The following PRDM5 variants were observed in gnomAD, a reference collection of about 807,000 sequenced individuals.
The protein encoded by PRDM5 is PR domain zinc finger protein 5.
A neutral mutation model predicts 81.2 loss-of-function variants in PRDM5; 56 were observed. The ratio of observed to expected loss-of-function variants is 0.69; its 90% confidence interval spans 0.56 to 0.86. The LOEUF (loss-of-function observed/expected upper bound fraction) is 0.86. Ranked by LOEUF, PRDM5 falls within the 40% of genes least tolerant of loss-of-function variation. The pLI, the probability that PRDM5 is intolerant of heterozygous loss-of-function variation, is 0.00. For missense variants in PRDM5, 697 were observed against 770.1 expected (o/e 0.91, Z 1.12); for synonymous variants, 267 against 256.4 (o/e 1.04, Z -0.39).
intron 2 of PRDM5, among the ~76,000 whole-genome samples, chr4:120,880,265 T>C (rs1762718053): frequency 6.6e-6 from 1 of 152,070 alleles, no homozygotes; most frequent in South Asian, 2.1e-4. Context: ...GTAAAGAATA[T>C]ATAAACTAAA....
intron 3 of PRDM5, among the ~76,000 whole-genome samples, chr4:120,831,569 G>A (rs986974566): frequency 2.0e-5 from 3 of 152,072 alleles, no homozygotes; most frequent in African/African-American, 4.8e-5. Context: ...AAGTCTCAAC[G>A]ATAAGTCTAT....
chr4:120,908,230 C>G (rs1766060600), intron 1 of PRDM5, among the ~76,000 whole-genome samples: 1 of 152,152 alleles, frequency 6.6e-6, no homozygotes, highest in African/African-American at 2.4e-5. Flanking sequence ...AGGACATGTT[C>G]AATGGGCAAG....
chr4:120,846,385 A>T (rs893740596), intron 3 of PRDM5, among the ~76,000 whole-genome samples: 3 of 152,190 alleles, frequency 2.0e-5, no homozygotes, highest in African/African-American at 7.2e-5. Context: ...TTCAGCAACC[A>T]CCACCCTGAT....
intron 13 of PRDM5, among the ~76,000 whole-genome samples, chr4:120,766,180 G>A (rs781094083): frequency 1.3e-5 from 2 of 152,002 alleles, no homozygotes; most frequent in South Asian, 2.1e-4. Context: ...GACTGGTTTC[G>A]AACACCTGAC....
intron 14 of PRDM5, among the ~76,000 whole-genome samples, chr4:120,730,363 A>G (rs1218562520): frequency 1.3e-5 from 2 of 152,220 alleles, no homozygotes; most frequent in Non-Finnish European, 2.9e-5. Flanking sequence ...GTTACCCAAA[A>G]TTGAAAAAGG....
At chr4:120,696,165 G>A (rs1057174414) in intron 15 of PRDM5, among the ~76,000 whole-genome samples, 3 of 152,060 alleles carry the variant, frequency 2.0e-5, no homozygotes, top group African/African-American at 7.2e-5. Context: ...TAAGAAGGGG[G>A]TAATCCAATA....
chr4:120,760,978 A>G (rs985188148), intron 13 of PRDM5, among the ~76,000 whole-genome samples: 3 of 152,198 alleles, frequency 2.0e-5, no homozygotes, highest in African/African-American at 7.2e-5. Context: ...CAGGTGAAGG[A>G]CTTAGCTAAA....
At chr4:120,701,495 A>G (rs1016263685) in intron 15 of PRDM5, among the ~76,000 whole-genome samples, 1 of 152,234 alleles carries the variant, frequency 6.6e-6, no homozygotes. Flanking sequence ...AATACTATGC[A>G]GCTATAAAAA....
intron 1 of PRDM5, among the ~76,000 whole-genome samples, chr4:120,914,412 G>T (rs1723865279): frequency 6.6e-6 from 1 of 152,088 alleles, no homozygotes; most frequent in African/African-American, 2.4e-5. Context: ...ACAGATCCAG[G>T]AAACCTCACA....
chr4:120,767,272 T>A (rs1393426082), intron 13 of PRDM5, among the ~76,000 whole-genome samples: 5 of 150,130 alleles, frequency 3.3e-5, no homozygotes, highest in East Asian at 1.9e-4. Context: ...ACACTTGTTT[T>A]AAAAAAAAAA....
chr4:120,805,151 G>T (rs1295973503), intron 8 of PRDM5, among the ~76,000 whole-genome samples: 1 of 152,064 alleles, frequency 6.6e-6, no homozygotes, highest in Non-Finnish European at 1.5e-5. Context: ...ACTAAAGCAG[G>T]AAAAAGGTGA....
intron 7 of PRDM5, 150 bp from the exon 8 acceptor site, chr4:120,811,599 TAA>T (rs1753843927): frequency 6.0e-6 from 3 of 503,018 alleles, no homozygotes; most frequent in South Asian, 3.7e-5. Context: ...ACTTAAAGAG[TAA>T]GTTATATTTT....
chr4:120,695,891 G>A (rs1734465373), intron 15 of PRDM5, among the ~76,000 whole-genome samples: 1 of 151,958 alleles, frequency 6.6e-6, no homozygotes, highest in Admixed American at 6.6e-5. Context: ...AAATTCCACT[G>A]ACATGAAACT....
At chr4:120,780,376 C>T (rs1748863443) in intron 12 of PRDM5, among the ~76,000 whole-genome samples, 1 of 151,812 alleles carries the variant, frequency 6.6e-6, no homozygotes, top group African/African-American at 2.4e-5. Context: ...CCCAGGTGTT[C>T]AAGGATACAG....
intron 3 of PRDM5, among the ~76,000 whole-genome samples, chr4:120,841,974 G>A (rs866612143): frequency 6.6e-5 from 10 of 151,986 alleles, no homozygotes; most frequent in African/African-American, 2.4e-4. Context: ...CATTTGTTAC[G>A]TATGATTTGA....
At chr4:120,816,178 C>A in intron 7 of PRDM5, 2 of 444,952 alleles carry the variant, frequency 4.5e-6, no homozygotes, top group Non-Finnish European at 4.1e-6. Context: ...AATATTAATT[C>A]TTAATGCATC....
At chr4:120,777,403 T>G (rs1230015690) in intron 12 of PRDM5, 122 bp from the exon 13 acceptor site, 2 of 1,505,150 alleles carry the variant, frequency 1.3e-6, no homozygotes, top group Non-Finnish European at 1.8e-6. Context: ...AATGATTTAA[T>G]TTCACAATGA....
chr4:120,699,168 ATATATATATAT>A (rs1560889366), intron 15 of PRDM5, among the ~76,000 whole-genome samples: 335 of 29,178 alleles, frequency 0.011, 5 homozygotes, highest in Middle Eastern at 0.1. Flanking sequence ...ATAAATATAT[ATATATATATAT>A]ATATATATAT....
rs1281285547 is a variant in PRDM5 at position 120,922,523 on chromosome 4, A to T, written c.86T>A (p.Val29Glu). Residue 29 changes from valine (V) to glutamate (E), a missense_variant, in exon 1 of 16, where the codon GTG becomes GAG. Val to Glu is a moderately radical substitution (Grantham distance 121). Transcript: ENST00000264808. ...CGCCGCCGGGTCACCCACCTTTCGC[A>T]CTCTGCGGGCCGTGTAGAGCCCCAT... ...DGMGLYTARR[V>E]RKGEKFGPFA... 5.0e-6 allele frequency: 8 copies of T among 1,602,394 alleles called. No homozygotes were observed. The highest frequency in any genetic ancestry group is 6.8e-6 in the Non-Finnish European group (8 of 1,175,528).
Sources: gnomAD v4.1 joint callset for allele counts (sites outside exome capture counted in the v4.1 genomes callset) on GRCh38, gnomAD v4.1.1 for gene constraint, MANE v1.5 for transcripts, NCBI Gene and HGNC (gene_info 2026-07-23, HGNC 2026-07-21) for gene names.